The following ERBB4 variants were observed in gnomAD, a reference collection of about 807,000 sequenced individuals.
The protein encoded by ERBB4 is receptor tyrosine-protein kinase erbB-4.
Under a neutral mutation model 158.0 loss-of-function variants are expected in ERBB4, and 42 were observed. That is an observed-to-expected ratio of 0.27 (90% confidence interval 0.21 to 0.34). ERBB4 has a LOEUF of 0.34. Ranked by LOEUF, ERBB4 falls within the 10% of genes least tolerant of loss-of-function variation. ERBB4 has a pLI of 1.00. For missense variants in ERBB4, 1,333 were observed against 1,624.1 expected, an observed-to-expected ratio of 0.82 and a Z score of 3.08; for synonymous variants, 583 against 558.7, an observed-to-expected ratio of 1.04 and a Z score of -0.61.
intron 20 of ERBB4, among the ~76,000 whole-genome samples, chr2:211,469,922 T>G (rs1460242818): frequency 6.6e-6 from 1 of 151,966 alleles, no homozygotes; most frequent in Non-Finnish European, 1.5e-5. Flanking sequence ...GGGGGGGAGA[T>G]TCAAGTGTTA....
intron 16 of ERBB4, among the ~76,000 whole-genome samples, chr2:211,651,610 G>A (rs1477925639): frequency 6.6e-6 from 1 of 151,806 alleles, no homozygotes; most frequent in African/African-American, 2.4e-5. Flanking sequence ...TTCATATCTG[G>A]GTCTATTGGT....
intron 1 of ERBB4, among the ~76,000 whole-genome samples, chr2:212,232,325 TA>T (rs1355508054): frequency 2.0e-5 from 3 of 152,206 alleles, no homozygotes; most frequent in Non-Finnish European, 4.4e-5. Flanking sequence ...GAAATGCTGT[TA>T]AATAAAGGCT....
intron 19 of ERBB4, among the ~76,000 whole-genome samples, chr2:211,602,272 C>T (rs774812532): frequency 1.3e-5 from 2 of 152,118 alleles, no homozygotes; most frequent in African/African-American, 4.8e-5. Flanking sequence ...GAGATTTACA[C>T]GATCTGCCTG....
intron 12 of ERBB4, among the ~76,000 whole-genome samples, chr2:211,686,895 A>C (rs1389213535): frequency 1.3e-5 from 2 of 152,064 alleles, no homozygotes; most frequent in Non-Finnish European, 2.9e-5. Context: ...TCATTTATGA[A>C]TACTAATATT....
chr2:211,719,906 C>T lies in ERBB4; in HGVS notation c.883+2487G>A, dbSNP rs182784802. Among the ~76,000 whole-genome samples the T allele has an allele frequency of 1.5e-4, 22 of 149,438 alleles. No individual in the cohort carries two copies. In the East Asian group the frequency reaches 3.5e-3, roughly 24 times the overall value. On this transcript the variant is annotated intron_variant, in intron 7 of 27. Transcript: ENST00000342788. ...AAAAAGGAAAGTGTTTTTGTATTTACTTTTCATTGCTCTAAGGATAGTCTG... is the reference window on the plus strand; with the variant it reads ...AAAAAGGAAAGTGTTTTTGTATTTATTTTTCATTGCTCTAAGGATAGTCTG...
At chr2:212,080,676 TAA>T (rs5838296) in intron 2 of ERBB4, among the ~76,000 whole-genome samples, 73,705 of 139,270 alleles carry the variant, frequency 0.53, 20,953 homozygotes, top group East Asian at 0.9. Context: ...GTATAAATAG[TAA>T]AAAAAAAAAA....
chr2:212,037,082 C>T (rs953207213), intron 2 of ERBB4, among the ~76,000 whole-genome samples: 1 of 151,212 alleles, frequency 6.6e-6, no homozygotes, highest in Non-Finnish European at 1.5e-5. Flanking sequence ...AATCAATCAG[C>T]TTTTAATCAG....
intron 1 of ERBB4, among the ~76,000 whole-genome samples, chr2:212,510,055 C>A (rs1364443562): frequency 1.3e-5 from 2 of 151,052 alleles, no homozygotes; most frequent in East Asian, 3.9e-4. Flanking sequence ...GTTCGCCTTG[C>A]AGTCAAATGT....
At chr2:211,451,008 C>A (rs962843098) in intron 20 of ERBB4, among the ~76,000 whole-genome samples, 3 of 152,156 alleles carry the variant, frequency 2.0e-5, no homozygotes, top group Admixed American at 6.5e-5. Context: ...TGAAGGCTGT[C>A]AGAATATGTA....
At chr2:211,828,073 T>C (rs1390991995) in intron 3 of ERBB4, among the ~76,000 whole-genome samples, 1 of 152,134 alleles carries the variant, frequency 6.6e-6, no homozygotes, top group African/African-American at 2.4e-5. Flanking sequence ...ATCTGTAGGA[T>C]AATATATGAG....
At chr2:211,696,681 A>AT (rs2073035534) in intron 12 of ERBB4, among the ~76,000 whole-genome samples, 2 of 151,728 alleles carry the variant, frequency 1.3e-5, no homozygotes, top group South Asian at 2.1e-4. Context: ...ATTTATATAT[A>AT]TTTTTTGAGA....
intron 19 of ERBB4, among the ~76,000 whole-genome samples, chr2:211,611,044 A>G (rs960932855): frequency 1.3e-5 from 2 of 152,090 alleles, no homozygotes; most frequent in African/African-American, 4.8e-5. Context: ...AAATTTTAGG[A>G]TCACTACTAA....
intron 12 of ERBB4, among the ~76,000 whole-genome samples, chr2:211,696,724 C>T (rs1253177093): frequency 1.3e-5 from 2 of 151,974 alleles, no homozygotes; most frequent in African/African-American, 4.8e-5. Flanking sequence ...GGCTGGAGTA[C>T]AGTGGCGTGA....
At chr2:212,480,653 C>T (rs150804405) in intron 1 of ERBB4, among the ~76,000 whole-genome samples, 94 of 152,182 alleles carry the variant, frequency 6.2e-4, no homozygotes, top group East Asian at 4.2e-3. Context: ...AGGGAGACAC[C>T]GCAGCAAGGC....
At chr2:212,379,352 G>C (rs13030181) in intron 1 of ERBB4, among the ~76,000 whole-genome samples, 1 of 151,538 alleles carries the variant, frequency 6.6e-6, no homozygotes, top group Non-Finnish European at 1.5e-5. Flanking sequence ...TGATAAGAAA[G>C]AGCACAGCTA....
intron 1 of ERBB4, among the ~76,000 whole-genome samples, chr2:212,271,103 T>C (rs1432406752): frequency 6.6e-6 from 1 of 151,836 alleles, no homozygotes; most frequent in Non-Finnish European, 1.5e-5. Context: ...TATCATATAA[T>C]ACATAATATT....
In ERBB4 at chr2:211,773,628, ATATAT is replaced by A. The variant is rs1416356070; in HGVS notation, c.556+14392_556+14396del. Reference sequence around the variant, plus strand: ...TATATATATATATATATATATATATATATATATATATATATATATAATATATATAC... The same window carrying A: ...TATATATATATATATATATATATATAATATATATATATATAATATATATAC... On this transcript the variant is annotated intron_variant, in intron 4 of 27. Transcript: ENST00000342788. Among the ~76,000 whole-genome samples, 104 of 52,048 alleles carry A rather than the reference ATATAT, an allele frequency of 2.0e-3. 4 individuals carry two copies. Among genetic ancestry groups the A allele is most frequent in the African/African-American group, 9.7e-3 (97 of 9,964 alleles). 34.1% of individuals were successfully genotyped at this position (52,048 alleles called of 152,430 possible). A position where few individuals can be genotyped will look rare whatever the true frequency, so the allele number is the denominator to read the frequency against.
chr2:211,918,292 G>A (rs2125071043), intron 3 of ERBB4, among the ~76,000 whole-genome samples: 1 of 152,142 alleles, frequency 6.6e-6, no homozygotes, highest in African/African-American at 2.4e-5. Flanking sequence ...TGAGGAAATG[G>A]GCAAGGAACT....
intron 1 of ERBB4, among the ~76,000 whole-genome samples, chr2:212,143,448 C>T (rs1292605843): frequency 3.3e-5 from 5 of 151,860 alleles, no homozygotes; most frequent in Non-Finnish European, 5.9e-5. Flanking sequence ...GAATAATTGC[C>T]AGGAATTCAA....
Sources: allele counts gnomAD v4.1 joint callset (sites outside exome capture counted in the v4.1 genomes callset), GRCh38; gene constraint gnomAD v4.1.1; transcripts MANE v1.5; gene names NCBI Gene and HGNC (gene_info 2026-07-23, HGNC 2026-07-21).